IGF1: variants seen among roughly 807,000 people sequenced by gnomAD.
IGF1 encodes insulin-like growth factor 1.
In IGF1, 4 loss-of-function variants were observed where a neutral mutation model predicts 13.8. The ratio of observed to expected loss-of-function variants is 0.29; its 90% confidence interval spans 0.14 to 0.66. IGF1 has a LOEUF of 0.66. Ranked by LOEUF, IGF1 falls within the 30% of genes least tolerant of loss-of-function variation. The probability of loss-of-function intolerance (pLI) is 0.78; values close to 1 mark genes in which losing one functional copy is unlikely to be tolerated. For missense variants in IGF1, 124 were observed against 188.5 expected (o/e 0.66, Z 2.00); for synonymous variants, 76 against 72.6 (o/e 1.05, Z -0.23).
chr12:102,456,774 A>G (rs1043514589), intron 2 of IGF1, among the ~76,000 whole-genome samples: 3 of 152,222 alleles, frequency 2.0e-5, no homozygotes, highest in African/African-American at 4.8e-5. Flanking sequence ...TCCAGTCCAC[A>G]GAAATCATAC....
intron 2 of IGF1, among the ~76,000 whole-genome samples, chr12:102,442,939 A>G (rs1351358641): frequency 6.6e-6 from 1 of 152,030 alleles, no homozygotes; most frequent in Non-Finnish European, 1.5e-5. Flanking sequence ...CAGGAACCTA[A>G]TAGGGAGGTG....
chr12:102,445,367 G>T (rs1337365421), intron 2 of IGF1, among the ~76,000 whole-genome samples: 4 of 152,200 alleles, frequency 2.6e-5, no homozygotes, highest in African/African-American at 9.6e-5. Context: ...TCCTATCCAT[G>T]AGCATGGAAT....
At chr12:102,434,996 C>T (rs191827910) in intron 2 of IGF1, among the ~76,000 whole-genome samples, 29 of 151,934 alleles carry the variant, frequency 1.9e-4, no homozygotes, top group Admixed American at 4.6e-4. Flanking sequence ...AATATTTGAA[C>T]GAAAATTAAA....
At chr12:102,443,686 C>T (rs998209510) in intron 2 of IGF1, among the ~76,000 whole-genome samples, 3 of 152,012 alleles carry the variant, frequency 2.0e-5, no homozygotes, top group Non-Finnish European at 4.4e-5. Flanking sequence ...TCCATTATGG[C>T]TTTGTTCATT....
chr12:102,397,314 C>T lies in IGF1; in HGVS notation c.*5193G>A, dbSNP rs1873295006. ...CCTCTATAAAATTCTGAGGCAGATA[C>T]TAAAATAATAAGGGCTGGGTTGGGA... is the stretch of plus-strand genomic sequence containing the variant. On this transcript the variant is annotated 3_prime_UTR_variant, in exon 4 of 4. Coordinates refer to ENST00000337514, the MANE Select transcript of IGF1 (RefSeq NM_000618.5). 1 of 152,212 alleles carries T rather than the reference C, an allele frequency of 6.6e-6. No homozygotes were observed. Among genetic ancestry groups the T allele is most frequent in the Non-Finnish European group, 1.5e-5 (1 of 68,184 alleles). The allele number at this position is 152,212 out of a possible 1,614,324, so 9.4% of individuals were successfully genotyped here.
intron 2 of IGF1, among the ~76,000 whole-genome samples, chr12:102,470,201 A>T (rs17882461): frequency 0.2 from 30,494 of 152,124 alleles, 3,168 homozygotes; most frequent in Non-Finnish European, 0.22. Context: ...CATTTTACAG[A>T]TGAGAAAATT....
intron 2 of IGF1, among the ~76,000 whole-genome samples, chr12:102,444,892 G>A (rs1197225900): frequency 6.6e-6 from 1 of 152,054 alleles, no homozygotes; most frequent in Non-Finnish European, 1.5e-5. Context: ...ACCGTGCAGA[G>A]GACAAATTTT....
At chr12:102,431,005 C>T (rs1042967335) in intron 2 of IGF1, among the ~76,000 whole-genome samples, 2 of 152,202 alleles carry the variant, frequency 1.3e-5, no homozygotes, top group Non-Finnish European at 2.9e-5. Flanking sequence ...TCTTTTCAAA[C>T]CAAATTCCTC....
intron 2 of IGF1, among the ~76,000 whole-genome samples, chr12:102,421,319 C>A (rs1265663405): frequency 1.3e-5 from 2 of 152,172 alleles, no homozygotes; most frequent in East Asian, 3.8e-4. Context: ...CAAGCCATGT[C>A]TCAGCGGGTC....
At chr12:102,460,232 G>A (rs1301871821) in intron 2 of IGF1, among the ~76,000 whole-genome samples, 7 of 152,172 alleles carry the variant, frequency 4.6e-5, no homozygotes, top group Non-Finnish European at 5.9e-5. Context: ...CATGTCTGTG[G>A]ACTAGATGCA....
At chr12:102,466,589 GA>G (rs1170190382) in intron 2 of IGF1, among the ~76,000 whole-genome samples, 1 of 152,108 alleles carries the variant, frequency 6.6e-6, no homozygotes, top group African/African-American at 2.4e-5. Flanking sequence ...GTTGACTGAG[GA>G]GTATGAGAAT....
At chr12:102,459,041 G>A (rs1320150709) in intron 2 of IGF1, among the ~76,000 whole-genome samples, 1 of 152,082 alleles carries the variant, frequency 6.6e-6, no homozygotes, top group Non-Finnish European at 1.5e-5. Flanking sequence ...GGGGGTTTTT[G>A]GTAAAGCAGA....
chr12:102,467,041 T>G (rs1009188733), intron 2 of IGF1, among the ~76,000 whole-genome samples: 1 of 152,308 alleles, frequency 6.6e-6, no homozygotes. Flanking sequence ...TAAGTCTTGG[T>G]GCTCCTTTCC....
At chr12:102,426,808 C>G (rs1296991048) in intron 2 of IGF1, among the ~76,000 whole-genome samples, 2 of 152,226 alleles carry the variant, frequency 1.3e-5, no homozygotes, top group African/African-American at 4.8e-5. Context: ...TTCCCAATCA[C>G]TTTCACCCAG....
chr12:102,439,241 AAAG>A (rs1877496028), intron 2 of IGF1, among the ~76,000 whole-genome samples: 2 of 152,186 alleles, frequency 1.3e-5, no homozygotes, highest in African/African-American at 2.4e-5. Context: ...TTTCATGCTC[AAAG>A]CATGCTTGTG....
intron 2 of IGF1, among the ~76,000 whole-genome samples, chr12:102,444,970 C>T (rs1027048781): frequency 1.3e-5 from 2 of 152,040 alleles, no homozygotes; most frequent in African/African-American, 4.8e-5. Flanking sequence ...GTATGATACC[C>T]CAACATCATT....
At chr12:102,460,440 C>T (rs1274499594) in intron 2 of IGF1, among the ~76,000 whole-genome samples, 1 of 151,776 alleles carries the variant, frequency 6.6e-6, no homozygotes, top group Non-Finnish European at 1.5e-5. Context: ...ATTGGAATTT[C>T]ATGGGTCCCC....
chr12:102,419,474 T>C, intron 3 of IGF1, 35 bp downstream of exon 3: 1 of 1,604,544 alleles, frequency 6.2e-7, no homozygotes, highest in Non-Finnish European at 8.5e-7. Context: ...GAGAGACCAC[T>C]TGAGGATGGC....
chr12:102,412,201 A>C (rs757517396), intron 3 of IGF1, among the ~76,000 whole-genome samples: 14 of 152,152 alleles, frequency 9.2e-5, no homozygotes, highest in Non-Finnish European at 1.9e-4. Flanking sequence ...AATAATTTTT[A>C]ATTTAGGATG....
Sources: gnomAD v4.1 joint callset for allele counts (sites outside exome capture counted in the v4.1 genomes callset) on GRCh38, gnomAD v4.1.1 for gene constraint, MANE v1.5 for transcripts, NCBI Gene and HGNC (gene_info 2026-07-23, HGNC 2026-07-21) for gene names.